Variants in SHC3 observed in about 807,000 individuals in gnomAD.
SHC3 encodes SHC-transforming protein 3.
Under a neutral mutation model 60.4 loss-of-function variants are expected in SHC3, and 15 were observed. The observed-to-expected ratio is 0.25, with a 90% CI of 0.17 to 0.38. The LOEUF (loss-of-function observed/expected upper bound fraction) is 0.38, where lower values mean the gene tolerates loss of function less well. SHC3 is among the 10% of genes least tolerant of loss of function. SHC3 has a pLI of 1.00. For synonymous variants in SHC3, 294 were observed against 325.9 expected, an observed-to-expected ratio of 0.90 and a Z score of 1.05; for missense variants, 677 against 786.1, an observed-to-expected ratio of 0.86 and a Z score of 1.66.
chr9:89,171,616 A>C (rs1390490274), intron 1 of SHC3, among the ~76,000 whole-genome samples: 1 of 152,252 alleles, frequency 6.6e-6, no homozygotes, highest in Non-Finnish European at 1.5e-5. Flanking sequence ...AGTAAGCAGC[A>C]TTATAACAAT....
chr9:89,112,583 T>C lies in SHC3; in HGVS notation c.518A>G (p.Asp173Gly), dbSNP rs1445345927. The change falls in exon 2 of 12, where the codon GAC (aspartate) becomes GGC (glycine). Residue 173 changes from aspartate (D) to glycine (G), a missense_variant. Transcript: ENST00000375835. Reference sequence around the variant, plus strand: ...GGTAATTTGTGTTCTTGTACTGAAGTCAAGAGACCTCATTGAGCGCAGAAC... The same window carrying C: ...GGTAATTTGTGTTCTTGTACTGAAGCCAAGAGACCTCATTGAGCGCAGAAC... ...IEVLRSMRSL[D>G]FSTRTQITRE... The C allele has an allele frequency of 1.3e-6, 2 of 1,598,480 alleles. No individual in the cohort carries two copies. The highest frequency in any genetic ancestry group is 1.7e-6 in the Non-Finnish European group (2 of 1,173,894).
At chr9:89,110,653 A>T (rs1825933978) in intron 2 of SHC3, among the ~76,000 whole-genome samples, 1 of 152,244 alleles carries the variant, frequency 6.6e-6, no homozygotes, top group African/African-American at 2.4e-5. Context: ...ACTGAAAATG[A>T]TGCAAGAGAC....
chr9:89,098,293 A>C (rs1255525496), intron 2 of SHC3, among the ~76,000 whole-genome samples: 2 of 152,240 alleles, frequency 1.3e-5, no homozygotes, highest in African/African-American at 4.8e-5. Flanking sequence ...CAATCCTGGA[A>C]TGAGGGGAAA....
At chr9:89,125,622 T>A (rs1193790854) in intron 1 of SHC3, among the ~76,000 whole-genome samples, 1 of 152,118 alleles carries the variant, frequency 6.6e-6, no homozygotes, top group Non-Finnish European at 1.5e-5. Flanking sequence ...ATACAAGTCA[T>A]AAAGATCTTG....
intron 1 of SHC3, among the ~76,000 whole-genome samples, chr9:89,119,109 C>T (rs574748485): frequency 3.0e-4 from 45 of 151,776 alleles, no homozygotes; most frequent in Middle Eastern, 6.8e-3. Context: ...GAGGTAGGTC[C>T]GGAACTGAGT....
chr9:89,135,655 C>T (rs989356830), intron 1 of SHC3, among the ~76,000 whole-genome samples: 2 of 151,986 alleles, frequency 1.3e-5, no homozygotes, highest in African/African-American at 4.8e-5. Flanking sequence ...TTATAAAATT[C>T]TGGTTTCATC....
At chr9:89,064,453 T>C (rs558481954) in intron 6 of SHC3, among the ~76,000 whole-genome samples, 3 of 152,200 alleles carry the variant, frequency 2.0e-5, no homozygotes, top group Non-Finnish European at 4.4e-5. Flanking sequence ...CAGAAAGTAC[T>C]CTTGGTTTGC....
At chr9:89,052,405 A>G (rs1265009495) in intron 6 of SHC3, among the ~76,000 whole-genome samples, 2 of 152,256 alleles carry the variant, frequency 1.3e-5, no homozygotes, top group Non-Finnish European at 2.9e-5. Context: ...TCATTTTTAA[A>G]TAAATTAAAG....
At chr9:89,174,786 T>C (rs1174520920) in intron 1 of SHC3, among the ~76,000 whole-genome samples, 1 of 152,230 alleles carries the variant, frequency 6.6e-6, no homozygotes, top group Non-Finnish European at 1.5e-5. Flanking sequence ...CAGAGCTGAA[T>C]GTCAAGGCTG....
intron 1 of SHC3, among the ~76,000 whole-genome samples, chr9:89,151,028 T>C (rs1363807652): frequency 6.6e-6 from 1 of 151,910 alleles, no homozygotes; most frequent in East Asian, 1.9e-4. Flanking sequence ...TTTTTTTTTT[T>C]TCTTTTTTGA....
chr9:89,037,193 G>A (rs984967680), intron 11 of SHC3, among the ~76,000 whole-genome samples: 9 of 152,108 alleles, frequency 5.9e-5, no homozygotes, highest in South Asian at 4.1e-4. Flanking sequence ...CCCCACCCCC[G>A]ACACATGCAG....
chr9:89,158,220 T>C (rs963861227), intron 1 of SHC3, among the ~76,000 whole-genome samples: 9 of 152,012 alleles, frequency 5.9e-5, no homozygotes, highest in African/African-American at 2.2e-4. Context: ...TTCAATTCTA[T>C]GTATTTTTTG....
chr9:89,084,879 C>T (rs904384519), intron 2 of SHC3, among the ~76,000 whole-genome samples: 6 of 152,190 alleles, frequency 3.9e-5, no homozygotes, highest in African/African-American at 9.6e-5. Context: ...ACCACCAAGG[C>T]GCTGGACCCA....
intron 2 of SHC3, among the ~76,000 whole-genome samples, chr9:89,082,478 G>A (rs1264291514): frequency 2.0e-5 from 3 of 152,192 alleles, no homozygotes; most frequent in Non-Finnish European, 4.4e-5. Context: ...ATCGGTCCAT[G>A]GGGCCACCTA....
chr9:89,128,170 G>A (rs751612792), intron 1 of SHC3, among the ~76,000 whole-genome samples: 11 of 152,120 alleles, frequency 7.2e-5, no homozygotes, highest in African/African-American at 1.4e-4. Flanking sequence ...TGGTTCATGT[G>A]ACTTTAGTAA....
chr9:89,115,489 GT>G (rs1377000990), intron 1 of SHC3, among the ~76,000 whole-genome samples: 1 of 152,130 alleles, frequency 6.6e-6, no homozygotes, highest in Non-Finnish European at 1.5e-5. Context: ...AATGTCATGG[GT>G]TCATGTGAAT....
intron 6 of SHC3, among the ~76,000 whole-genome samples, chr9:89,062,264 G>A (rs982724817): frequency 5.3e-5 from 8 of 152,166 alleles, no homozygotes; most frequent in African/African-American, 1.4e-4. Context: ...CTGACTTGTT[G>A]GGAATTGCAT....
intron 1 of SHC3, among the ~76,000 whole-genome samples, chr9:89,162,871 T>C (rs1826730495): frequency 7.0e-6 from 1 of 142,500 alleles, no homozygotes; most frequent in Non-Finnish European, 1.5e-5. Context: ...ATCCAGAATC[T>C]ACAATGAACT....
intron 1 of SHC3, among the ~76,000 whole-genome samples, chr9:89,176,227 G>A (rs1307363430): frequency 6.6e-6 from 1 of 152,200 alleles, no homozygotes; most frequent in East Asian, 1.9e-4. Flanking sequence ...GAATACTACT[G>A]CTGATGCTGC....
Sources: allele counts gnomAD v4.1 joint callset (sites outside exome capture counted in the v4.1 genomes callset), GRCh38; gene constraint gnomAD v4.1.1; transcripts MANE v1.5; gene names NCBI Gene and HGNC (gene_info 2026-07-23, HGNC 2026-07-21).